Variants in SLC34A3 observed in about 807,000 individuals in gnomAD.
The protein encoded by SLC34A3 is solute carrier family 34 member 3.
SLC34A3 carries 60 observed loss-of-function variants against 43.9 expected under a neutral mutation model. That is an observed-to-expected ratio of 1.37 (90% CI 1.11 to 1.70). The LOEUF is 1.70. Ranked by LOEUF, SLC34A3 falls within the 40% of genes most tolerant of loss-of-function variation. SLC34A3 has a pLI of 0.00. For missense variants in SLC34A3, 969 were observed against 823.8 expected (o/e 1.18, Z -2.16); for synonymous variants, 451 against 386.2 (o/e 1.17, Z -1.97).
At position 137,233,879 on chromosome 9, in the gene SLC34A3, G is replaced by A; in HGVS notation, c.863G>A (p.Ser288Asn). The A allele has an allele frequency of 6.2e-7, 1 of 1,605,058 alleles. No homozygotes were observed. Among genetic ancestry groups the A allele is most frequent in the Non-Finnish European group, 8.5e-7 (1 of 1,177,182 alleles). Reference protein sequence around the residue: ...TTGQPTQENSSCGAFGPCTEK... With the variant: ...TTGQPTQENSNCGAFGPCTEK... ...CCTCCCCAGACCCAGGAGAACAGCA[G>A]CTGTGGCGCCTTCGGCCCGTGCACA... is the stretch of plus-strand genomic sequence containing the variant. Residue 288 changes from serine (S) to asparagine (N), a missense_variant, in exon 9 of 13, where the codon AGC (serine) becomes AAC (asparagine). Ser to Asn is a conservative substitution (Grantham distance 46, BLOSUM62 1). Coordinates refer to ENST00000673835, the MANE Select transcript of SLC34A3 (RefSeq NM_001177316.2).
intron 1 of SLC34A3, chr9:137,231,217 G>A (rs1017615722): frequency 5.2e-6 from 1 of 193,026 alleles, no homozygotes; most frequent in Non-Finnish European, 1.1e-5. Context: ...GTGGTGTGAG[G>A]ACCCCACCTG....
Position 137,236,151 on chromosome 9 carries a change from T to C in SLC34A3, c.1535T>C (p.Met512Thr), listed in dbSNP as rs199629080. The C allele has an allele frequency of 1.4e-4, 218 of 1,609,932 alleles. No homozygotes were observed. Among genetic ancestry groups the C allele is most frequent in the Non-Finnish European group, 6.1e-5 (72 of 1,179,020 alleles). ...AAFGLSLAGG[M>T]ELAAVGGPLV... is the part of the protein sequence containing the mutation. ...TTCGGGCTCTCCCTGGCAGGGGGCA[T>C]GGAGCTGGCCGCTGTCGGGGGTCCC... is the stretch of plus-strand genomic sequence containing the variant. Residue 512 changes from methionine (M) to threonine (T), a missense_variant, in exon 13 of 13, where the codon ATG (methionine) becomes ACG (threonine). By Grantham distance (81) the Met-to-Thr change is moderately conservative (BLOSUM62 -1). Transcript: ENST00000673835.
chr9:137,230,136 A>G (rs144287700), upstream of SLC34A3, among the ~76,000 whole-genome samples: 1,384 of 152,084 alleles, frequency 9.1e-3, 18 homozygotes, highest in African/African-American at 0.031. Context: ...GCTGCCCCGC[A>G]CCCCAGGGCA....
At position 137,236,042 on chromosome 9, in the gene SLC34A3, C is replaced by T; in HGVS notation, c.1426C>T (p.His476Tyr). The change falls in exon 13 of 13, where the codon CAC (histidine) becomes TAC (tyrosine). Residue 476 changes from histidine (H) to tyrosine (Y), a missense_variant. His to Tyr is a moderately conservative substitution (Grantham distance 83, BLOSUM62 2). Transcript: ENST00000673835. ...ALRLPIPLAR[H>Y]FGVVTARYRW... is the part of the protein sequence containing the mutation. The stretch of plus-strand genomic sequence containing the variant: ...GCGGCTGCCCATCCCGCTGGCCAGG[C>T]ACTTCGGGGTGGTGACCGCCCGTTA... The T allele has an allele frequency of 6.2e-7, 1 of 1,612,618 alleles. No homozygotes were observed. The highest frequency in any genetic ancestry group is 1.1e-5 in the South Asian group (1 of 91,074).
At chr9:137,235,870 G>A in intron 12 of SLC34A3, 82 bp from the exon 13 acceptor site, 1 of 1,250,208 alleles carries the variant, frequency 8.0e-7, no homozygotes, top group Non-Finnish European at 1.2e-6. Context: ...TCCTTCTGTA[G>A]GGTGGAGGAG....
chr9:137,231,201 C>A, intron 1 of SLC34A3: 1 of 177,626 alleles, frequency 5.6e-6, no homozygotes, highest in Non-Finnish European at 1.2e-5. Flanking sequence ...GGCCAGGAGC[C>A]TTGAAGTGGT....
At chr9:137,231,038 C>T (rs1564414545) in intron 1 of SLC34A3, 100 bp downstream of exon 1, 2 of 154,288 alleles carry the variant, frequency 1.3e-5, no homozygotes, top group Admixed American at 6.4e-5. Context: ...GTCTCCAGGA[C>T]CCAAGGGCAA....
At chr9:137,232,263 G>T in intron 3 of SLC34A3, 102 bp downstream of exon 3, 1 of 1,157,814 alleles carries the variant, frequency 8.6e-7, no homozygotes, top group East Asian at 2.4e-5. Context: ...GGCTGTGTGT[G>T]GGGAACTCCG....
chr9:137,236,180 G>T lies in SLC34A3; in HGVS notation c.1564G>T (p.Val522Leu), dbSNP rs149912630. The change falls in exon 13 of 13, where the codon GTG becomes TTG. Residue 522 changes from valine to leucine, a missense_variant. Coordinates refer to ENST00000673835, the MANE Select transcript of SLC34A3 (RefSeq NM_001177316.2). ...MELAAVGGPLVGLVLLVILVT... is the reference protein window; with the variant it reads ...MELAAVGGPLLGLVLLVILVT... ...GCTGGCCGCTGTCGGGGGTCCCCTGGTGGGGCTGGTGCTCCTCGTCATCCT... is the reference window on the plus strand; with the variant it reads ...GCTGGCCGCTGTCGGGGGTCCCCTGTTGGGGCTGGTGCTCCTCGTCATCCT... 6 of 1,604,810 alleles carry T rather than the reference G, an allele frequency of 3.7e-6. No homozygotes were observed. In the African/African-American group the frequency reaches 8.0e-5, roughly 21 times the overall value.
At chr9:137,233,828 C>T in intron 8 of SLC34A3, 35 bp from the exon 9 acceptor site, 1 of 1,592,566 alleles carries the variant, frequency 6.3e-7, no homozygotes, top group Non-Finnish European at 8.6e-7. Flanking sequence ...TGTCTGCCCA[C>T]TGAGCCTGTC....
At position 137,233,418 on chromosome 9, in the gene SLC34A3, C is replaced by T; in HGVS notation, c.756+14C>T. 2.5e-6 allele frequency: 4 copies of T among 1,592,442 alleles called. No individual in the cohort carries two copies. The highest frequency in any genetic ancestry group is 3.4e-6 in the Non-Finnish European group (4 of 1,172,522). On this transcript the variant is annotated intron_variant, in intron 7 of 12. Transcript: ENST00000673835. The stretch of plus-strand genomic sequence containing the variant: ...CTCATCGTGCAGGTGAGGACGGCCA[C>T]CGCCCCCGCCCAGAGAGCCTGAGCA...
chr9:137,231,937 C>A lies in SLC34A3; in HGVS notation c.86-135C>A, dbSNP rs923101089. ...ACTCAGGTCCAGCCCAGCTGGAGCCCCATCTTCCCCGTTCCGTTTCTGTCC... is the reference window on the plus strand; with the variant it reads ...ACTCAGGTCCAGCCCAGCTGGAGCCACATCTTCCCCGTTCCGTTTCTGTCC... On this transcript the variant is annotated intron_variant, in intron 2 of 12. Coordinates refer to ENST00000673835, the MANE Select transcript of SLC34A3 (RefSeq NM_001177316.2). 3.5e-6 allele frequency: 4 copies of A among 1,129,638 alleles called. No individual in the cohort carries two copies. In the Admixed American group the frequency reaches 6.8e-5, roughly 19 times the overall value. The allele number at this position is 1,129,638 out of a possible 1,614,324, so 70.0% of individuals were successfully genotyped here. A position where few individuals can be genotyped will look rare whatever the true frequency, so the allele number is the denominator to read the frequency against.
Position 137,234,489 on chromosome 9 carries a change from G to A in SLC34A3, c.1167G>A (p.Leu389=). 6.2e-7 allele frequency: 1 copy of A among 1,603,256 alleles called. No individual in the cohort carries two copies. Among genetic ancestry groups the A allele is most frequent in the Non-Finnish European group, 8.5e-7 (1 of 1,179,104 alleles). Residue 389 remains leucine, a synonymous_variant, in exon 11 of 13, where the codon CTG becomes CTA. Coordinates refer to ENST00000673835, the MANE Select transcript of SLC34A3 (RefSeq NM_001177316.2). This position sits in a 1 kb window ranked among gnomAD's most constrained non-coding sequence, Gnocchi z 6.9. ...VLAGAGLTFA[L]QSSSVFTAAV... ...CGGGCGCCGGCCTGACCTTCGCACT[G>A]CAGAGCAGCAGCGTCTTCACGGCGG...
At chr9:137,233,779 T>TTGGGGGCG in intron 8 of SLC34A3, 57 bp downstream of exon 8, 1 of 1,445,820 alleles carries the variant, frequency 6.9e-7, no homozygotes, top group Non-Finnish European at 9.6e-7. Flanking sequence ...TGCTGAGTCA[T>TTGGGGGCG]CCCGCCCCAC....
At position 137,234,259 on chromosome 9, in the gene SLC34A3, G is replaced by C. The variant is rs768922988; in HGVS notation, c.1076G>C (p.Arg359Thr). Residue 359 changes from arginine to threonine, a missense_variant, in exon 10 of 13, where the codon AGG becomes ACG. Coordinates refer to ENST00000673835, the MANE Select transcript of SLC34A3 (RefSeq NM_001177316.2). The surrounding 1 kb of genome is among the most constrained non-coding windows in gnomAD (Gnocchi z 6.9). ...CGCGGCCGCGTGGCCCAGGTCGTGA[G>C]GACAGTCATCAATGCGGGTGAGGGC... Reference protein sequence around the residue: ...VLRGRVAQVVRTVINADFPFP... With the variant: ...VLRGRVAQVVTTVINADFPFP... 1 of 1,611,052 alleles carries C rather than the reference G, an allele frequency of 6.2e-7. No homozygotes were observed. The highest frequency in any genetic ancestry group is 2.2e-5 in the East Asian group (1 of 44,840).
chr9:137,234,742 C>A lies in SLC34A3; in HGVS notation c.1335+11C>A. ...CTCAGCGCCCTGCAGGTACTGTCCA[C>A]CCTGCCCCGCTGCCAGAACTGGCCA... On this transcript the variant is annotated intron_variant, in intron 12 of 12. Transcript: ENST00000673835. The surrounding 1 kb of genome is among the most constrained non-coding windows in gnomAD (Gnocchi z 6.9). The A allele has an allele frequency of 1.2e-6, 2 of 1,606,446 alleles. No individual in the cohort carries two copies. Among genetic ancestry groups the A allele is most frequent in the Admixed American group, 3.3e-5 (2 of 60,000 alleles).
chr9:137,235,283 TA>T (rs996228123), intron 12 of SLC34A3, among the ~76,000 whole-genome samples: 2 of 152,080 alleles, frequency 1.3e-5, no homozygotes, highest in African/African-American at 4.8e-5. Context: ...GTTCTCCCTC[TA>T]AAACAGCCCG....
Position 137,234,761 on chromosome 9 carries a change from C to A in SLC34A3, c.1335+30C>A. On this transcript the variant is annotated intron_variant, in intron 12 of 12. Transcript: ENST00000673835. This position sits in a 1 kb window ranked among gnomAD's most constrained non-coding sequence, Gnocchi z 6.9. ...TGTCCACCCTGCCCCGCTGCCAGAACTGGCCAGCTTCCTCTCAGCCCCACA... is the reference window on the plus strand; with the variant it reads ...TGTCCACCCTGCCCCGCTGCCAGAAATGGCCAGCTTCCTCTCAGCCCCACA... 1 of 1,602,672 alleles carries A rather than the reference C, an allele frequency of 6.2e-7. No individual in the cohort carries two copies. The highest frequency in any genetic ancestry group is 8.5e-7 in the Non-Finnish European group (1 of 1,179,746).
In SLC34A3 at chr9:137,231,656, C is replaced by T. The variant is rs201897988; in HGVS notation, c.-39-8C>T. On this transcript the variant is annotated splice_polypyrimidine_tract_variant and splice_region_variant and intron_variant, in intron 1 of 12. Transcript: ENST00000673835. ...AAATGTCTCTGACACGCGCGTCCCCCCCAGCAGATCTAGACCTGGGCCTGG... is the reference window on the plus strand; with the variant it reads ...AAATGTCTCTGACACGCGCGTCCCCTCCAGCAGATCTAGACCTGGGCCTGG... 58 of 1,496,938 alleles carry T rather than the reference C, an allele frequency of 3.9e-5. No homozygotes were observed. The East Asian group carries it at 1.3e-3, about 33-fold the overall frequency. 92.7% of individuals were successfully genotyped at this position (1,496,938 alleles called of 1,614,324 possible).
Sources: gnomAD v4.1 joint callset for allele counts (sites outside exome capture counted in the v4.1 genomes callset) on GRCh38, gnomAD v4.1.1 for gene constraint, Gnocchi (gnomAD v3.1) non-coding constraint, MANE v1.5 for transcripts, NCBI Gene and HGNC (gene_info 2026-07-23, HGNC 2026-07-21) for gene names.